TAFA2: variants seen among roughly 807,000 people sequenced by gnomAD.
TAFA2 encodes TAFA chemokine like family member 2.
Under a neutral mutation model 18.8 loss-of-function variants are expected in TAFA2, and 7 were observed. That is an observed-to-expected ratio of 0.37 (90% CI 0.21 to 0.70). The LOEUF (loss-of-function observed/expected upper bound fraction) is 0.70. Ranked by LOEUF, TAFA2 falls within the 30% of genes least tolerant of loss-of-function variation. TAFA2 has a pLI of 0.53. For missense variants in TAFA2, 122 were observed against 158.1 expected (o/e 0.77, Z 1.23); for synonymous variants, 60 against 54.2 (o/e 1.11, Z -0.47).
chr12:62,152,122 C>G (rs1345298877), intron 1 of TAFA2, among the ~76,000 whole-genome samples: 1 of 152,190 alleles, frequency 6.6e-6, no homozygotes, highest in Admixed American at 6.5e-5. Context: ...GCAGTCAACT[C>G]TATCTAGAGG....
rs561869333 is a variant in TAFA2, at chr12:62,181,465, T to G, written c.-2+9794A>C. Among the ~76,000 whole-genome samples, 167 of 152,334 alleles carry G rather than the reference T, an allele frequency of 1.1e-3. 1 individual carries two copies. The highest frequency in any genetic ancestry group is 1.7e-3 in the Non-Finnish European group (116 of 68,036). The stretch of plus-strand genomic sequence containing the variant: ...CTCTGCTATAAGCAAAGCTATTCTA[T>G]ATAGTAGAAACTTGTAAACACTTAG... On this transcript the variant is annotated intron_variant, in intron 1 of 4. Transcript: ENST00000416284.
chr12:61,846,147 A>G (rs1220374556), intron 2 of TAFA2, among the ~76,000 whole-genome samples: 2 of 152,198 alleles, frequency 1.3e-5, no homozygotes, highest in African/African-American at 4.8e-5. Context: ...ATCTTGAAAA[A>G]ATAGGGATTC....
chr12:61,788,718 C>T (rs1436522108), intron 2 of TAFA2, among the ~76,000 whole-genome samples: 1 of 151,458 alleles, frequency 6.6e-6, no homozygotes, highest in African/African-American at 2.4e-5. Context: ...ATAAAACTGA[C>T]ACAACTGAAA....
intron 1 of TAFA2, among the ~76,000 whole-genome samples, chr12:62,052,814 C>T (rs1212347731): frequency 2.6e-5 from 4 of 152,178 alleles, no homozygotes; most frequent in East Asian, 1.9e-4. Flanking sequence ...ATCCAAGCAC[C>T]GATATTTATT....
At chr12:61,904,787 A>G (rs554666557) in intron 1 of TAFA2, among the ~76,000 whole-genome samples, 1 of 152,142 alleles carries the variant, frequency 6.6e-6, no homozygotes, top group African/African-American at 2.4e-5. Context: ...ATCATACTCT[A>G]ATTATTGATT....
At chr12:61,733,271 G>C (rs1868252021) in intron 4 of TAFA2, among the ~76,000 whole-genome samples, 1 of 151,970 alleles carries the variant, frequency 6.6e-6, no homozygotes, top group Non-Finnish European at 1.5e-5. Flanking sequence ...AAGCTCTTTA[G>C]TTTAATTAGA....
intron 1 of TAFA2, among the ~76,000 whole-genome samples, chr12:62,149,228 A>G (rs1023777276): frequency 1.3e-5 from 2 of 152,216 alleles, no homozygotes; most frequent in African/African-American, 2.4e-5. Flanking sequence ...ATGGATAGGA[A>G]TTGGCTCTCG....
intron 1 of TAFA2, among the ~76,000 whole-genome samples, chr12:62,107,553 T>C (rs1006613792): frequency 1.5e-4 from 23 of 152,208 alleles, no homozygotes; most frequent in African/African-American, 5.3e-4. Context: ...GAATTCTGAC[T>C]TACCAAAATG....
At chr12:61,879,736 C>G in intron 1 of TAFA2, 1 of 1,209,344 alleles carries the variant, frequency 8.3e-7, no homozygotes, top group Admixed American at 1.7e-5. Context: ...ACATGGACAA[C>G]ATGTTCCAGA....
chr12:62,103,960 C>T (rs987377181), intron 1 of TAFA2, among the ~76,000 whole-genome samples: 17 of 152,156 alleles, frequency 1.1e-4, no homozygotes, highest in Non-Finnish European at 2.2e-4. Context: ...TACTGCAGTA[C>T]ATATTAAAGT....
chr12:61,747,052 G>T (rs1001368420), intron 4 of TAFA2, among the ~76,000 whole-genome samples: 4 of 152,030 alleles, frequency 2.6e-5, no homozygotes, highest in Non-Finnish European at 5.9e-5. Context: ...CAAAAAGTGG[G>T]CAAAGGATAT....
chr12:61,882,302 A>C (rs1875182348), intron 1 of TAFA2, among the ~76,000 whole-genome samples: 2 of 152,260 alleles, frequency 1.3e-5, no homozygotes, highest in African/African-American at 4.8e-5. Context: ...AGCTAGAAGT[A>C]GCAATCACAG....
At chr12:61,719,192 A>G (rs1869788611) in intron 4 of TAFA2, among the ~76,000 whole-genome samples, 2 of 152,284 alleles carry the variant, frequency 1.3e-5, no homozygotes, top group South Asian at 4.1e-4. Flanking sequence ...CATTCAGTTT[A>G]TAGTTTAAGT....
rs932963167 is a variant in TAFA2, at chr12:62,042,435, G to A, written c.-2+148824C>T. On this transcript the variant is annotated intron_variant, in intron 1 of 4. Coordinates refer to ENST00000416284, the MANE Select transcript of TAFA2 (RefSeq NM_178539.5). ...TGTGTGTGTGTGTGTGTGTGCGCGT[G>A]TGTGTGTGTGTGTGTGACATGCATA... Among the ~76,000 whole-genome samples, 59 of 57,058 alleles carry A rather than the reference G, an allele frequency of 1.0e-3. No individual in the cohort carries two copies. The South Asian group carries it at 0.017, about 17-fold the overall frequency. The allele number at this position is 57,058 out of a possible 152,430, so 37.4% of individuals were successfully genotyped here. A position where few individuals can be genotyped will look rare whatever the true frequency, so the allele number is the denominator to read the frequency against.
At chr12:62,102,077 G>C (rs1869232204) in intron 1 of TAFA2, among the ~76,000 whole-genome samples, 3 of 152,152 alleles carry the variant, frequency 2.0e-5, no homozygotes, top group Admixed American at 2.0e-4. Context: ...GAGCAGGTGG[G>C]AGAAAGCTGT....
At chr12:61,971,006 A>G (rs748919407) in intron 1 of TAFA2, among the ~76,000 whole-genome samples, 2 of 151,708 alleles carry the variant, frequency 1.3e-5, no homozygotes, top group Non-Finnish European at 3.0e-5. Flanking sequence ...ATGAAGATTG[A>G]GAAAAAAGTT....
intron 1 of TAFA2, among the ~76,000 whole-genome samples, chr12:62,076,857 A>T (rs1868251387): frequency 6.6e-6 from 1 of 152,240 alleles, no homozygotes; most frequent in Non-Finnish European, 1.5e-5. Context: ...GGAGATGTGC[A>T]GAGCTGCTCA....
chr12:62,234,935 A>G lies in TAFA2; in HGVS notation c.-130+23828T>C, dbSNP rs150414024. The G allele has an allele frequency of 3.8e-5, 30 of 780,246 alleles. No individual in the cohort carries two copies. The East Asian group carries it at 8.5e-4, about 22-fold the overall frequency. 48.3% of individuals were successfully genotyped at this position (780,246 alleles called of 1,614,324 possible). A position where few individuals can be genotyped will look rare whatever the true frequency, so the allele number is the denominator to read the frequency against. On this transcript the variant is annotated intron_variant, in intron 1 of 5. Transcript: ENST00000551619. The stretch of plus-strand genomic sequence containing the variant: ...AACATCTGAGCCACGGAGGGGGCAT[A>G]GCCTGGGCCTCAGTGGAAGGCATGG...
chr12:62,147,306 G>A (rs1391214131), intron 1 of TAFA2, among the ~76,000 whole-genome samples: 1 of 11,524 alleles, frequency 8.7e-5, no homozygotes, highest in Admixed American at 1.3e-3. Context: ...ATGTATGCAT[G>A]TGTGTGTGTG....
Sources: allele counts gnomAD v4.1 joint callset (sites outside exome capture counted in the v4.1 genomes callset), GRCh38; gene constraint gnomAD v4.1.1; transcripts MANE v1.5; gene names NCBI Gene and HGNC (gene_info 2026-07-23, HGNC 2026-07-21).